Variants in LRRC4C observed in about 807,000 individuals in gnomAD.
LRRC4C encodes the protein leucine rich repeat containing 4C.
Under a neutral mutation model 33.6 loss-of-function variants are expected in LRRC4C, and 5 were observed. The observed-to-expected ratio is 0.15, with a 90% CI of 0.08 to 0.31. LRRC4C has a LOEUF of 0.31. Ranked by LOEUF, LRRC4C falls within the 10% of genes least tolerant of loss-of-function variation. The probability of loss-of-function intolerance (pLI) is 1.00; values close to 1 mark genes in which losing one functional copy is unlikely to be tolerated. For synonymous variants in LRRC4C, 329 were observed against 302.0 expected, an observed-to-expected ratio of 1.09 and a Z score of -0.93; for missense variants, 560 against 796.7, an observed-to-expected ratio of 0.70 and a Z score of 3.58.
At chr11:40,838,187 A>G (rs1952759063) in intron 2 of LRRC4C, among the ~76,000 whole-genome samples, 1 of 152,202 alleles carries the variant, frequency 6.6e-6, no homozygotes, top group African/African-American at 2.4e-5. Flanking sequence ...CTGAGTAGTA[A>G]TTCTACAATT....
chr11:40,910,485 A>T (rs181752867), intron 2 of LRRC4C, among the ~76,000 whole-genome samples: 1 of 152,218 alleles, frequency 6.6e-6, no homozygotes, highest in African/African-American at 2.4e-5. Flanking sequence ...TTGTGGTCTA[A>T]AAAAGCAAAT....
intron 2 of LRRC4C, among the ~76,000 whole-genome samples, chr11:40,883,871 T>A (rs1955303172): frequency 6.7e-6 from 1 of 149,976 alleles, no homozygotes; most frequent in African/African-American, 2.5e-5. Context: ...GAAACTGATA[T>A]CTATGTGTGA....
chr11:40,919,981 A>G (rs758911909), intron 2 of LRRC4C, among the ~76,000 whole-genome samples: 6 of 152,304 alleles, frequency 3.9e-5, no homozygotes, highest in Non-Finnish European at 4.4e-5. Flanking sequence ...ACAGTGCTCA[A>G]AACAAATCCA....
intron 1 of LRRC4C, among the ~76,000 whole-genome samples, chr11:41,205,593 G>A (rs1946569080): frequency 6.6e-6 from 1 of 152,098 alleles, no homozygotes; most frequent in Non-Finnish European, 1.5e-5. Flanking sequence ...AAATTTGTTT[G>A]TTTGTTTTTC....
At chr11:41,410,824 AAAAT>A (rs1460697866) in intron 1 of LRRC4C, among the ~76,000 whole-genome samples, 2 of 152,134 alleles carry the variant, frequency 1.3e-5, no homozygotes, top group Non-Finnish European at 2.9e-5. Flanking sequence ...TATCAACCTC[AAAAT>A]AAATAAAGGA....
intron 5 of LRRC4C, among the ~76,000 whole-genome samples, chr11:40,171,563 T>A (rs1443906040): frequency 6.6e-6 from 1 of 151,782 alleles, no homozygotes; most frequent in African/African-American, 2.4e-5. Flanking sequence ...TCTTATGTCA[T>A]ATACCACATA....
chr11:40,505,166 T>A (rs531025327), intron 3 of LRRC4C, among the ~76,000 whole-genome samples: 2 of 152,294 alleles, frequency 1.3e-5, no homozygotes, highest in African/African-American at 4.8e-5. Flanking sequence ...GATGGGTCTA[T>A]TCTTACTTGG....
intron 2 of LRRC4C, among the ~76,000 whole-genome samples, chr11:40,925,123 TTCTC>T (rs56945447): frequency 1.1e-4 from 17 of 149,516 alleles, no homozygotes; most frequent in East Asian, 2.0e-4. Context: ...CCCCAAATAT[TTCTC>T]TCTCTCTCTC....
At chr11:40,298,086 C>A (rs1382752607) in intron 4 of LRRC4C, among the ~76,000 whole-genome samples, 1 of 152,166 alleles carries the variant, frequency 6.6e-6, no homozygotes, top group Admixed American at 6.5e-5. Flanking sequence ...GAAAGACCTA[C>A]ATTTTTTGGT....
chr11:41,312,525 T>G (rs1950671655), intron 1 of LRRC4C, among the ~76,000 whole-genome samples: 1 of 152,228 alleles, frequency 6.6e-6, no homozygotes, highest in Non-Finnish European at 1.5e-5. Flanking sequence ...TGTGAGAATT[T>G]CTGTATTAAT....
intron 3 of LRRC4C, among the ~76,000 whole-genome samples, chr11:40,337,408 T>A (rs530181722): frequency 4.1e-4 from 63 of 152,186 alleles, no homozygotes; most frequent in Non-Finnish European, 8.4e-4. Flanking sequence ...AAATCTGAGA[T>A]ATCATTTATG....
chr11:41,006,488 G>A lies in LRRC4C; in HGVS notation c.-495-72765C>T, dbSNP rs908112601. Among the ~76,000 whole-genome samples the A allele has an allele frequency of 3.3e-5, 5 of 152,212 alleles. No homozygotes were observed. The East Asian group carries it at 9.7e-4, about 30-fold the overall frequency. On this transcript the variant is annotated intron_variant, in intron 1 of 6. Transcript: ENST00000528697. ...ATTAGCTACCATAATTCATTAGCATGTTTAACTTTCAAGCAGATGTCATTT... is the reference window on the plus strand; with the variant it reads ...ATTAGCTACCATAATTCATTAGCATATTTAACTTTCAAGCAGATGTCATTT...
intron 1 of LRRC4C, among the ~76,000 whole-genome samples, chr11:41,085,612 C>T (rs1033816081): frequency 6.6e-6 from 1 of 152,114 alleles, no homozygotes; most frequent in Non-Finnish European, 1.5e-5. Flanking sequence ...CCATCACTGT[C>T]CACTGCCATT....
intron 5 of LRRC4C, among the ~76,000 whole-genome samples, chr11:40,173,249 C>T (rs954559991): frequency 6.6e-6 from 1 of 152,250 alleles, no homozygotes; most frequent in South Asian, 2.1e-4. Context: ...GAAATTAATG[C>T]TATGTTTTCA....
intron 1 of LRRC4C, among the ~76,000 whole-genome samples, chr11:41,327,046 C>T (rs1951143426): frequency 6.6e-6 from 1 of 152,112 alleles, no homozygotes; most frequent in South Asian, 2.1e-4. Context: ...ATTTGTGAGC[C>T]TCAGAGGCCA....
intron 3 of LRRC4C, among the ~76,000 whole-genome samples, chr11:40,514,637 A>G (rs998341905): frequency 6.6e-6 from 1 of 152,086 alleles, no homozygotes; most frequent in Non-Finnish European, 1.5e-5. Flanking sequence ...TAATTATTTT[A>G]TAAGGATTTT....
At chr11:40,784,382 G>T (rs141394975) in intron 2 of LRRC4C, among the ~76,000 whole-genome samples, 1 of 152,112 alleles carries the variant, frequency 6.6e-6, no homozygotes, top group Non-Finnish European at 1.5e-5. Flanking sequence ...TACCTCTCTC[G>T]TCAGATTGCT....
chr11:40,672,669 T>G (rs779458199), intron 2 of LRRC4C, among the ~76,000 whole-genome samples: 18 of 152,192 alleles, frequency 1.2e-4, no homozygotes, highest in Non-Finnish European at 2.4e-4. Context: ...TCGATATGCC[T>G]TAGCCAGTAA....
intron 5 of LRRC4C, among the ~76,000 whole-genome samples, chr11:40,144,909 G>A (rs918001117): frequency 6.6e-6 from 1 of 152,134 alleles, no homozygotes; most frequent in African/African-American, 2.4e-5. Context: ...TCACTCTTCT[G>A]TGTTCCTTTA....
Sources: allele counts gnomAD v4.1 joint callset (sites outside exome capture counted in the v4.1 genomes callset), GRCh38; gene constraint gnomAD v4.1.1; transcripts MANE v1.5; gene names NCBI Gene and HGNC (gene_info 2026-07-23, HGNC 2026-07-21).